Variants in DPP10 observed in about 807,000 individuals in gnomAD.
DPP10 encodes inactive dipeptidyl peptidase 10.
DPP10 carries 33 observed loss-of-function variants against 120.9 expected under a neutral mutation model. That is an observed-to-expected ratio of 0.27 (90% CI 0.21 to 0.37). The LOEUF is 0.37. Among genes scored for constraint, DPP10 ranks in the 10% least tolerant of loss-of-function variants. The pLI, the probability that DPP10 is intolerant of heterozygous loss-of-function variation, is 1.00. For synonymous variants in DPP10, 337 were observed against 326.1 expected (o/e 1.03, Z -0.36); for missense variants, 816 against 942.8 (o/e 0.87, Z 1.76).
intron 3 of DPP10, among the ~76,000 whole-genome samples, chr2:115,354,622 G>A (rs1426829734): frequency 1.3e-5 from 2 of 151,162 alleles, no homozygotes; most frequent in Non-Finnish European, 2.9e-5. Context: ...TGCAGAACGT[G>A]CAGGTTTGTT....
At chr2:115,499,983 C>G (rs2076601286) in intron 4 of DPP10, among the ~76,000 whole-genome samples, 1 of 151,916 alleles carries the variant, frequency 6.6e-6, no homozygotes, top group African/African-American at 2.4e-5. Flanking sequence ...TTTCTGACTT[C>G]TTTCTAGTTC....
chr2:115,417,640 A>G (rs1487636429), intron 3 of DPP10, among the ~76,000 whole-genome samples: 1 of 152,174 alleles, frequency 6.6e-6, no homozygotes, highest in African/African-American at 2.4e-5. Flanking sequence ...AGTTTTTCCA[A>G]AATCACAGCT....
At chr2:114,747,834 T>A (rs1678720050) in intron 1 of DPP10, among the ~76,000 whole-genome samples, 1 of 152,054 alleles carries the variant, frequency 6.6e-6, no homozygotes, top group African/African-American at 2.4e-5. Context: ...TCTAGGGAAC[T>A]TTTTTTTCTC....
intron 1 of DPP10, among the ~76,000 whole-genome samples, chr2:115,212,289 T>A: frequency 6.6e-6 from 1 of 152,126 alleles, no homozygotes; most frequent in Admixed American, 6.6e-5. Context: ...AGTTTTATAT[T>A]AAGCAAAGAT....
intron 1 of DPP10, among the ~76,000 whole-genome samples, chr2:115,006,414 C>T (rs1701844572): frequency 6.6e-6 from 1 of 151,914 alleles, no homozygotes; most frequent in Non-Finnish European, 1.5e-5. Flanking sequence ...TTAAAAGACA[C>T]AGACTGGCAA....
chr2:115,249,899 G>T lies in DPP10; in HGVS notation c.61-59340G>T, dbSNP rs1477437406. 2.6e-5 allele frequency among the ~76,000 whole-genome samples: 4 copies of T among 152,238 alleles called. 1 individual carries two copies. The highest frequency in any genetic ancestry group is 4.1e-4 in the South Asian group (2 of 4,822). Reference sequence around the variant, plus strand: ...GAATGATGTTAATTAGGGCAATTTTGTATTACTATAATTGCTTTGTATTTA... The same window carrying T: ...GAATGATGTTAATTAGGGCAATTTTTTATTACTATAATTGCTTTGTATTTA... On this transcript the variant is annotated intron_variant, in intron 1 of 25. Coordinates refer to ENST00000410059, the MANE Select transcript of DPP10 (RefSeq NM_020868.6).
intron 1 of DPP10, among the ~76,000 whole-genome samples, chr2:114,527,766 C>T (rs1394850888): frequency 1.3e-5 from 2 of 152,154 alleles, no homozygotes; most frequent in African/African-American, 4.8e-5. Flanking sequence ...GCCCACTACA[C>T]ACCTAGGTTA....
intron 15 of DPP10, among the ~76,000 whole-genome samples, chr2:115,780,651 A>C (rs1682641731): frequency 6.6e-6 from 1 of 151,838 alleles, no homozygotes; most frequent in Non-Finnish European, 1.5e-5. Context: ...TACATAAAAT[A>C]ATACATAATT....
chr2:114,915,289 T>C (rs1239414680), intron 1 of DPP10, among the ~76,000 whole-genome samples: 1 of 151,876 alleles, frequency 6.6e-6, no homozygotes, highest in Non-Finnish European at 1.5e-5. Flanking sequence ...TGATAAAGGG[T>C]TTAATTTGAC....
chr2:115,638,735 C>A (rs545110223), intron 5 of DPP10, among the ~76,000 whole-genome samples: 1 of 152,160 alleles, frequency 6.6e-6, no homozygotes, highest in East Asian at 1.9e-4. Context: ...AGAGTCCAGA[C>A]TAAGAGTGGA....
chr2:115,159,396 G>A (rs1004442376), intron 1 of DPP10, among the ~76,000 whole-genome samples: 1 of 152,132 alleles, frequency 6.6e-6, no homozygotes, highest in Admixed American at 6.5e-5. Context: ...AACATCATTA[G>A]AAACCATACA....
intron 2 of DPP10, among the ~76,000 whole-genome samples, chr2:115,321,512 A>AAT (rs1458468674): frequency 3.6e-5 from 2 of 55,392 alleles, no homozygotes; most frequent in Non-Finnish European, 7.4e-5. Context: ...GCATTTTTTT[A>AAT]GTGTTTTTTT....
chr2:115,157,147 C>T (rs563783776), intron 1 of DPP10, among the ~76,000 whole-genome samples: 23 of 148,850 alleles, frequency 1.5e-4, no homozygotes, highest in East Asian at 3.9e-4. Flanking sequence ...AAAGCATACA[C>T]GGTAAAATAA....
intron 5 of DPP10, among the ~76,000 whole-genome samples, chr2:115,629,044 C>A (rs2085611426): frequency 6.6e-6 from 1 of 152,074 alleles, no homozygotes; most frequent in African/African-American, 2.4e-5. Flanking sequence ...CAATTCCCAC[C>A]TATGAGTGAG....
chr2:115,181,587 A>T (rs75365390), intron 1 of DPP10, among the ~76,000 whole-genome samples: 8,098 of 152,222 alleles, frequency 0.053, 318 homozygotes, highest in East Asian at 0.23. Context: ...AAAAGGGATT[A>T]TTCCAAGTAC....
chr2:114,992,598 C>A (rs1487569480), intron 1 of DPP10, among the ~76,000 whole-genome samples: 2 of 152,186 alleles, frequency 1.3e-5, no homozygotes, highest in Admixed American at 1.3e-4. Flanking sequence ...CCTCTCCACT[C>A]CCCACACAGC....
At chr2:115,718,602 C>T (rs1053025393) in intron 7 of DPP10, among the ~76,000 whole-genome samples, 8 of 151,986 alleles carry the variant, frequency 5.3e-5, no homozygotes, top group African/African-American at 1.9e-4. Flanking sequence ...GTAACATTTT[C>T]TCCTAAATTA....
intron 1 of DPP10, among the ~76,000 whole-genome samples, chr2:114,599,381 G>A (rs1363231838): frequency 1.3e-5 from 2 of 151,640 alleles, no homozygotes; most frequent in African/African-American, 4.8e-5. Context: ...TTCCTTTGCA[G>A]GTCACTCATT....
intron 3 of DPP10, among the ~76,000 whole-genome samples, chr2:115,398,713 T>C (rs1375759161): frequency 6.6e-6 from 1 of 152,162 alleles, no homozygotes; most frequent in Non-Finnish European, 1.5e-5. Context: ...ATAGCAACTT[T>C]ATATGAGATT....
Sources: allele counts gnomAD v4.1 joint callset (sites outside exome capture counted in the v4.1 genomes callset), GRCh38; gene constraint gnomAD v4.1.1; transcripts MANE v1.5; gene names NCBI Gene and HGNC (gene_info 2026-07-23, HGNC 2026-07-21).